AGBL4: variants seen among roughly 807,000 people sequenced by gnomAD.
AGBL4 encodes the protein cytosolic carboxypeptidase 6.
A neutral mutation model predicts 66.4 loss-of-function variants in AGBL4; 58 were observed. The ratio of observed to expected loss-of-function variants is 0.87; its 90% CI spans 0.71 to 1.09. AGBL4 has a LOEUF of 1.09. Ranked by LOEUF, AGBL4 falls within the 50% of genes least tolerant of loss-of-function variation. The pLI is 0.00. For synonymous variants in AGBL4, 234 were observed against 222.9 expected, an observed-to-expected ratio of 1.05 and a Z score of -0.44; for missense variants, 579 against 631.0, an observed-to-expected ratio of 0.92 and a Z score of 0.88.
At chr1:49,243,917 A>G (rs961889259) in intron 4 of AGBL4, among the ~76,000 whole-genome samples, 3 of 151,836 alleles carry the variant, frequency 2.0e-5, no homozygotes, top group African/African-American at 4.8e-5. Flanking sequence ...GAGGAGTCCA[A>G]TGACTGGATA....
chr1:48,991,049 A>C (rs1180468834), intron 5 of AGBL4, among the ~76,000 whole-genome samples: 4 of 152,144 alleles, frequency 2.6e-5, no homozygotes, highest in African/African-American at 9.7e-5. Flanking sequence ...ATGTGTACTT[A>C]CTGTTACCAA....
At chr1:48,708,387 T>C (rs320049) in intron 6 of AGBL4, among the ~76,000 whole-genome samples, 93 of 152,062 alleles carry the variant, frequency 6.1e-4, no homozygotes, top group Middle Eastern at 3.4e-3. Context: ...AGAGGAGCCG[T>C]TGGGGCTTGA....
At chr1:49,762,184 C>G (rs1158284955) in intron 2 of AGBL4, among the ~76,000 whole-genome samples, 2 of 152,056 alleles carry the variant, frequency 1.3e-5, no homozygotes, top group African/African-American at 4.8e-5. Flanking sequence ...TATTAATTTC[C>G]AATCCCATGA....
At chr1:49,786,213 A>G (rs555192430) in intron 2 of AGBL4, among the ~76,000 whole-genome samples, 1 of 152,174 alleles carries the variant, frequency 6.6e-6, no homozygotes, top group South Asian at 2.1e-4. Context: ...TTTTTCTACA[A>G]ATACTCATAT....
intron 1 of AGBL4, among the ~76,000 whole-genome samples, chr1:49,888,951 T>C (rs1399254425): frequency 1.3e-5 from 2 of 152,214 alleles, no homozygotes; most frequent in African/African-American, 4.8e-5. Context: ...ATAAAGTATA[T>C]GGCTTCTGCT....
intron 6 of AGBL4, among the ~76,000 whole-genome samples, chr1:48,858,685 T>C (rs1405660369): frequency 1.3e-5 from 2 of 152,134 alleles, no homozygotes; most frequent in East Asian, 1.9e-4. Flanking sequence ...AAAGGAGAAA[T>C]TGAGAATGAC....
intron 6 of AGBL4, among the ~76,000 whole-genome samples, chr1:48,766,758 ATACT>A (rs1322987811): frequency 6.6e-6 from 1 of 152,162 alleles, no homozygotes; most frequent in Non-Finnish European, 1.5e-5. Flanking sequence ...CTCCATCCTA[ATACT>A]TACCAGTCTC....
intron 8 of AGBL4, among the ~76,000 whole-genome samples, chr1:48,642,260 CT>C (rs1645768626): frequency 6.6e-6 from 1 of 152,204 alleles, no homozygotes; most frequent in South Asian, 2.1e-4. Flanking sequence ...GGTCTTTACC[CT>C]ATAATGGTGG....
chr1:49,512,685 G>C (rs1472055186), intron 3 of AGBL4, among the ~76,000 whole-genome samples: 1 of 151,758 alleles, frequency 6.6e-6, no homozygotes, highest in Non-Finnish European at 1.5e-5. Flanking sequence ...AGAACCATGA[G>C]CCAATTAAAC....
At chr1:48,863,038 G>A (rs1180951866) in intron 6 of AGBL4, among the ~76,000 whole-genome samples, 5 of 152,136 alleles carry the variant, frequency 3.3e-5, no homozygotes, top group Non-Finnish European at 2.9e-5. Flanking sequence ...CATAAACTAT[G>A]TAGGAAAAGT....
chr1:49,992,119 C>G (rs1659993542), intron 1 of AGBL4, among the ~76,000 whole-genome samples: 1 of 152,136 alleles, frequency 6.6e-6, no homozygotes. Context: ...CGCCTGTAAT[C>G]CCAGCACTTT....
At chr1:49,141,624 A>C (rs950124842) in intron 4 of AGBL4, among the ~76,000 whole-genome samples, 1 of 152,166 alleles carries the variant, frequency 6.6e-6, no homozygotes, top group African/African-American at 2.4e-5. Context: ...TGAAGAGGCT[A>C]GTGTGGCTAG....
intron 6 of AGBL4, among the ~76,000 whole-genome samples, chr1:48,689,727 G>A (rs1646598633): frequency 6.6e-6 from 1 of 152,278 alleles, no homozygotes; most frequent in South Asian, 2.1e-4. Flanking sequence ...GAGGGGTGAA[G>A]AGGCTAGTCA....
intron 3 of AGBL4, among the ~76,000 whole-genome samples, chr1:49,484,481 A>G (rs1019750119): frequency 2.6e-5 from 4 of 151,998 alleles, no homozygotes; most frequent in African/African-American, 9.7e-5. Flanking sequence ...CATTATGTTA[A>G]GTGAAATTAG....
chr1:49,941,621 TA>T (rs1654765522), intron 1 of AGBL4, among the ~76,000 whole-genome samples: 1 of 151,792 alleles, frequency 6.6e-6, no homozygotes, highest in South Asian at 2.1e-4. Context: ...GAATAAAAGA[TA>T]AAAAATTATA....
intron 1 of AGBL4, among the ~76,000 whole-genome samples, chr1:49,860,382 A>G (rs553144911): frequency 6.6e-6 from 1 of 152,358 alleles, no homozygotes; most frequent in South Asian, 2.1e-4. Flanking sequence ...AGAGAAGAAA[A>G]TATTTACTAA....
chr1:48,889,101 TA>T (rs1650660693), intron 5 of AGBL4, among the ~76,000 whole-genome samples: 1 of 152,146 alleles, frequency 6.6e-6, no homozygotes, highest in South Asian at 2.1e-4. Flanking sequence ...CTGTCAACCT[TA>T]GGCTCATAGC....
chr1:49,714,916 CTA>C (rs1558186086), intron 2 of AGBL4, among the ~76,000 whole-genome samples: 1 of 151,922 alleles, frequency 6.6e-6, no homozygotes, highest in African/African-American at 2.4e-5. Context: ...ATTCTCTTTT[CTA>C]TGCATCCTCA....
chr1:49,807,688 A>C (rs1015494927), intron 2 of AGBL4, among the ~76,000 whole-genome samples: 4 of 152,216 alleles, frequency 2.6e-5, no homozygotes. Context: ...TCTGAAAAAG[A>C]CAAGTTTTAG....
Sources: allele counts gnomAD v4.1 joint callset (sites outside exome capture counted in the v4.1 genomes callset), GRCh38; gene constraint gnomAD v4.1.1; transcripts MANE v1.5; gene names NCBI Gene and HGNC (gene_info 2026-07-23, HGNC 2026-07-21).